Variants in DCC observed in about 807,000 individuals in gnomAD.
DCC encodes the protein netrin receptor DCC.
DCC carries 58 observed loss-of-function variants against 172.5 expected under a neutral mutation model. The observed-to-expected ratio is 0.34, with a 90% CI of 0.27 to 0.42. DCC has a LOEUF of 0.42. DCC is among the 10% of genes least tolerant of loss of function. DCC has a pLI of 1.00. For missense variants in DCC, 1,740 were observed against 1,791.0 expected (o/e 0.97, Z 0.51); for synonymous variants, 709 against 644.5 (o/e 1.10, Z -1.52).
At chr18:52,819,156 G>A (rs185639490) in intron 2 of DCC, among the ~76,000 whole-genome samples, 1 of 152,188 alleles carries the variant, frequency 6.6e-6, no homozygotes, top group Non-Finnish European at 1.5e-5. Context: ...TGTGTTGTGT[G>A]GGTCAATATG....
intron 3 of DCC, among the ~76,000 whole-genome samples, chr18:52,921,397 T>TAAAAC (rs2040122820): frequency 6.6e-6 from 1 of 151,686 alleles, no homozygotes; most frequent in Non-Finnish European, 1.5e-5. Context: ...TCTGATAAAA[T>TAAAAC]AGTTTGAGTG....
At chr18:52,683,424 CA>C (rs1379078004) in intron 1 of DCC, among the ~76,000 whole-genome samples, 5 of 152,058 alleles carry the variant, frequency 3.3e-5, no homozygotes, top group Non-Finnish European at 7.4e-5. Flanking sequence ...AGAGCAAACA[CA>C]GGGACAATAC....
Position 52,563,824 on chromosome 18 carries a change from A to T in DCC, c.92-188230A>T, listed in dbSNP as rs546317232. Reference sequence around the variant, plus strand: ...TTATTTAATAGTTTCTATTTAGCACATCTAATTGAAATCTGTTGTCTGTCA... The same window carrying T: ...TTATTTAATAGTTTCTATTTAGCACTTCTAATTGAAATCTGTTGTCTGTCA... On this transcript the variant is annotated intron_variant, in intron 1 of 28. Transcript: ENST00000442544. 2.0e-5 allele frequency among the ~76,000 whole-genome samples: 3 copies of T among 152,248 alleles called. No individual in the cohort carries two copies. In the East Asian group the frequency reaches 5.8e-4, roughly 29 times the overall value.
chr18:53,026,714 C>T (rs1438869729), intron 5 of DCC, among the ~76,000 whole-genome samples: 1 of 151,996 alleles, frequency 6.6e-6, no homozygotes, highest in African/African-American at 2.4e-5. Context: ...TGCTGCCATA[C>T]CTGACTAAAA....
rs558388346 is a variant in DCC at position 53,217,769 on chromosome 18, T to A, written c.1911+2172T>A. 1.9e-4 allele frequency among the ~76,000 whole-genome samples: 29 copies of A among 152,266 alleles called. No homozygotes were observed. In the South Asian group the frequency reaches 5.0e-3, roughly 26 times the overall value. Reference sequence around the variant, plus strand: ...ACTGTGACCATTTCAAGGGGCAAACTGTATTTAAAAAGAAACATTATAGTT... The same window carrying A: ...ACTGTGACCATTTCAAGGGGCAAACAGTATTTAAAAAGAAACATTATAGTT... On this transcript the variant is annotated intron_variant, in intron 12 of 28. Coordinates refer to ENST00000442544, the MANE Select transcript of DCC (RefSeq NM_005215.4).
chr18:52,488,245 A>C (rs949744134), intron 1 of DCC, among the ~76,000 whole-genome samples: 5 of 152,170 alleles, frequency 3.3e-5, no homozygotes, highest in Non-Finnish European at 5.9e-5. Flanking sequence ...ATGCTCCAAT[A>C]GTCTTTAATT....
chr18:53,194,224 G>A (rs1446758023), intron 9 of DCC, among the ~76,000 whole-genome samples: 1 of 152,088 alleles, frequency 6.6e-6, no homozygotes, highest in Non-Finnish European at 1.5e-5. Context: ...TAAGCAAGAA[G>A]CCAGTGAATG....
intron 27 of DCC, among the ~76,000 whole-genome samples, chr18:53,512,975 T>A (rs1379927520): frequency 6.6e-6 from 1 of 151,900 alleles, no homozygotes; most frequent in African/African-American, 2.4e-5. Flanking sequence ...ACAAAGATAC[T>A]CCTCGAGAAG....
At chr18:52,710,520 A>G (rs994082620) in intron 1 of DCC, among the ~76,000 whole-genome samples, 2 of 152,240 alleles carry the variant, frequency 1.3e-5, no homozygotes, top group Non-Finnish European at 2.9e-5. Context: ...GTGTGTGTAT[A>G]TATGTGCACA....
intron 5 of DCC, among the ~76,000 whole-genome samples, chr18:52,967,452 G>T (rs907088568): frequency 6.6e-6 from 1 of 152,144 alleles, no homozygotes; most frequent in African/African-American, 2.4e-5. Context: ...GTACTGTATA[G>T]TTTTGACCAG....
intron 1 of DCC, among the ~76,000 whole-genome samples, chr18:52,670,121 G>T (rs2035525345): frequency 6.6e-6 from 1 of 152,248 alleles, no homozygotes; most frequent in Non-Finnish European, 1.5e-5. Context: ...AAATGACCAA[G>T]ATGACGCAAC....
At chr18:53,528,113 C>G (rs1366028388) in intron 28 of DCC, among the ~76,000 whole-genome samples, 1 of 151,976 alleles carries the variant, frequency 6.6e-6, no homozygotes, top group Non-Finnish European at 1.5e-5. Flanking sequence ...ATGCAACTAC[C>G]AGGTCTTTTA....
intron 16 of DCC, among the ~76,000 whole-genome samples, chr18:53,391,263 TG>T (rs1339452505): frequency 6.6e-6 from 1 of 152,154 alleles, no homozygotes; most frequent in African/African-American, 2.4e-5. Context: ...AGAAATAAAC[TG>T]GAACCCCCAT....
intron 5 of DCC, among the ~76,000 whole-genome samples, chr18:53,053,687 A>T (rs956787228): frequency 4.6e-5 from 7 of 152,188 alleles, no homozygotes; most frequent in African/African-American, 1.7e-4. Context: ...AGGGAATACT[A>T]GAAAATATTT....
chr18:53,197,768 G>T (rs1183140426), intron 9 of DCC, among the ~76,000 whole-genome samples: 1 of 151,958 alleles, frequency 6.6e-6, no homozygotes, highest in Non-Finnish European at 1.5e-5. Flanking sequence ...TTTAGGTTTT[G>T]TTCTGATTAT....
chr18:53,520,810 G>A (rs546157016), intron 27 of DCC, among the ~76,000 whole-genome samples: 2 of 152,094 alleles, frequency 1.3e-5, no homozygotes, highest in African/African-American at 4.8e-5. Flanking sequence ...TTGAGACCAC[G>A]GTTGCCTAAT....
intron 1 of DCC, among the ~76,000 whole-genome samples, chr18:52,500,355 C>T (rs757743833): frequency 2.0e-5 from 3 of 152,066 alleles, no homozygotes; most frequent in Non-Finnish European, 2.9e-5. Flanking sequence ...TGATTAGCAT[C>T]CTGAAAGAGT....
chr18:53,050,319 T>A (rs568674231), intron 5 of DCC, among the ~76,000 whole-genome samples: 1 of 151,994 alleles, frequency 6.6e-6, no homozygotes, highest in Non-Finnish European at 1.5e-5. Context: ...AAACAATATT[T>A]TTTGCATCCT....
Position 53,189,446 on chromosome 18 carries a change from G to GTATA in DCC, c.1573+10339_1573+10342dup, listed in dbSNP as rs545346340. 5.5e-3 allele frequency among the ~76,000 whole-genome samples: 834 copies of GTATA among 150,670 alleles called. 5 individuals carry two copies. The highest frequency in any genetic ancestry group is 0.022 in the Admixed American group (333 of 15,054). ...ATATATAAACTTTTCCATATATAGTGTATATATATATAATTGTATATGTAC... is the reference window on the plus strand; with the variant it reads ...ATATATAAACTTTTCCATATATAGTGTATATATATATATATAATTGTATATGTAC... On this transcript the variant is annotated intron_variant, in intron 9 of 28. Coordinates refer to ENST00000442544, the MANE Select transcript of DCC (RefSeq NM_005215.4).
Sources: gnomAD v4.1 joint callset for allele counts (sites outside exome capture counted in the v4.1 genomes callset) on GRCh38, gnomAD v4.1.1 for gene constraint, MANE v1.5 for transcripts, NCBI Gene and HGNC (gene_info 2026-07-23, HGNC 2026-07-21) for gene names.